The following LRMDA variants were observed in gnomAD, a reference collection of about 807,000 sequenced individuals.
LRMDA encodes the protein leucine-rich melanocyte differentiation-associated protein.
In LRMDA, 18 loss-of-function variants were observed where a neutral mutation model predicts 29.8. The observed-to-expected ratio is 0.60, with a 90% CI of 0.42 to 0.90. The LOEUF (loss-of-function observed/expected upper bound fraction) is 0.90, where lower values mean the gene tolerates loss of function less well. Ranked by LOEUF, LRMDA falls within the 40% of genes least tolerant of loss-of-function variation. The probability of loss-of-function intolerance (pLI) is 0.00; values close to 1 mark genes in which losing one functional copy is unlikely to be tolerated. For synonymous variants in LRMDA, 125 were observed against 109.4 expected, an observed-to-expected ratio of 1.14 and a Z score of -0.89; for missense variants, 273 against 273.9, an observed-to-expected ratio of 1.00 and a Z score of 0.02.
At chr10:76,172,817 T>C (rs1312456218) in intron 5 of LRMDA, among the ~76,000 whole-genome samples, 1 of 152,158 alleles carries the variant, frequency 6.6e-6, no homozygotes, top group African/African-American at 2.4e-5. Context: ...TTCAAATTGT[T>C]TACAAACACT....
intron 2 of LRMDA, among the ~76,000 whole-genome samples, chr10:75,963,515 G>C (rs1301892181): frequency 1.3e-5 from 2 of 152,176 alleles, no homozygotes; most frequent in Non-Finnish European, 2.9e-5. Flanking sequence ...ATAACCAGGG[G>C]TCCTTGTTGT....
At chr10:76,248,878 C>G (rs1184526265) in intron 5 of LRMDA, among the ~76,000 whole-genome samples, 1 of 152,116 alleles carries the variant, frequency 6.6e-6, no homozygotes, top group Non-Finnish European at 1.5e-5. Context: ...GTCATACCAC[C>G]CACTTACAGC....
chr10:75,562,661 C>T (rs1032828288), intron 2 of LRMDA, among the ~76,000 whole-genome samples: 1 of 152,090 alleles, frequency 6.6e-6, no homozygotes, highest in African/African-American at 2.4e-5. Flanking sequence ...TTTGCAGTGG[C>T]TGGTACCGGT....
intron 6 of LRMDA, among the ~76,000 whole-genome samples, chr10:76,345,363 C>T (rs761896479): frequency 7.3e-5 from 11 of 150,554 alleles, no homozygotes; most frequent in African/African-American, 1.5e-4. Context: ...TGAGCCACCG[C>T]GCCCGGCCCA....
chr10:75,773,903 A>G (rs1203376409), intron 2 of LRMDA, among the ~76,000 whole-genome samples: 2 of 152,242 alleles, frequency 1.3e-5, no homozygotes, highest in African/African-American at 4.8e-5. Flanking sequence ...GTTTCATTAT[A>G]TTCACATCTT....
At chr10:75,465,823 T>C (rs1589151626) in intron 2 of LRMDA, among the ~76,000 whole-genome samples, 1 of 152,244 alleles carries the variant, frequency 6.6e-6, no homozygotes, top group East Asian at 1.9e-4. Flanking sequence ...AAAATGACCT[T>C]TCAATTGCAG....
intron 3 of LRMDA, 138 bp from the exon 4 acceptor site, chr10:76,047,025 AC>A: frequency 1.1e-6 from 1 of 906,040 alleles, no homozygotes; most frequent in Non-Finnish European, 1.7e-6. Flanking sequence ...AATACCGTAT[AC>A]CCACAGCTGA....
chr10:75,908,012 T>G (rs1263393160), intron 2 of LRMDA, among the ~76,000 whole-genome samples: 1 of 152,178 alleles, frequency 6.6e-6, no homozygotes, highest in African/African-American at 2.4e-5. Flanking sequence ...GGTGATGAGT[T>G]GGAGGAATCA....
intron 2 of LRMDA, among the ~76,000 whole-genome samples, chr10:75,666,103 A>G (rs1841818378): frequency 2.0e-5 from 3 of 152,166 alleles, no homozygotes; most frequent in Non-Finnish European, 4.4e-5. Flanking sequence ...TGACCCTTTA[A>G]CAGCATGAAA....
intron 2 of LRMDA, among the ~76,000 whole-genome samples, chr10:75,919,007 G>C (rs894355854): frequency 6.6e-6 from 1 of 152,178 alleles, no homozygotes; most frequent in Non-Finnish European, 1.5e-5. Context: ...CCATGTGTCA[G>C]GCGTGATTTT....
rs570395643 is a variant in LRMDA, at chr10:75,708,303, C to T, written c.131+269809C>T. ...ACTGCTCTCTCTCTCATAACACATT[C>T]CCATTTCATGCCAGAATACATAAAC... On this transcript the variant is annotated intron_variant, in intron 2 of 6. Transcript: ENST00000611255. 1.1e-4 allele frequency among the ~76,000 whole-genome samples: 16 copies of T among 152,304 alleles called. No homozygotes were observed. In the South Asian group the frequency reaches 3.1e-3, roughly 30 times the overall value.
At chr10:75,468,738 C>G (rs1844688100) in intron 2 of LRMDA, among the ~76,000 whole-genome samples, 1 of 152,010 alleles carries the variant, frequency 6.6e-6, no homozygotes, top group Admixed American at 6.6e-5. Context: ...GAATGCCAAG[C>G]CCTGCTGGGG....
intron 2 of LRMDA, among the ~76,000 whole-genome samples, chr10:75,987,673 C>G (rs1007588328): frequency 6.6e-6 from 1 of 152,152 alleles, no homozygotes; most frequent in Non-Finnish European, 1.5e-5. Context: ...CCAGATGGCT[C>G]TGTGTGGGCA....
chr10:76,040,404 C>G (rs1390619754), intron 3 of LRMDA, among the ~76,000 whole-genome samples: 1 of 152,152 alleles, frequency 6.6e-6, no homozygotes, highest in African/African-American at 2.4e-5. Flanking sequence ...TCATTGTGTT[C>G]AGCCCTCGTG....
At chr10:75,649,949 C>G (rs1158532404) in intron 2 of LRMDA, among the ~76,000 whole-genome samples, 2 of 152,120 alleles carry the variant, frequency 1.3e-5, no homozygotes, top group African/African-American at 2.4e-5. Flanking sequence ...AAGTCCTTTG[C>G]CCATTTTTGA....
chr10:75,809,595 G>A (rs1843920336), intron 2 of LRMDA, among the ~76,000 whole-genome samples: 1 of 152,218 alleles, frequency 6.6e-6, no homozygotes, highest in East Asian at 1.9e-4. Context: ...AGTGAGCCTA[G>A]GTTGTGCCAC....
Position 76,559,019 on chromosome 10 carries a change from A to G in LRMDA, c.*1731A>G, listed in dbSNP as rs1184589477. ...CAGCACTGGAAAAATGCTTTAAATT[A>G]TCTGCATTTGGTCCCACCCTGGGTC... On this transcript the variant is annotated 3_prime_UTR_variant, in exon 7 of 7. Coordinates refer to ENST00000611255, the MANE Select transcript of LRMDA (RefSeq NM_001305581.2). 4 of 152,214 alleles carry G rather than the reference A, an allele frequency of 2.6e-5. No individual in the cohort carries two copies. The highest frequency in any genetic ancestry group is 2.6e-4 in the Admixed American group (4 of 15,286). The allele number at this position is 152,214 out of a possible 1,614,324, so 9.4% of individuals were successfully genotyped here. A position where few individuals can be genotyped will look rare whatever the true frequency, so the allele number is the denominator to read the frequency against.
intron 6 of LRMDA, among the ~76,000 whole-genome samples, chr10:76,412,640 C>A (rs1841974761): frequency 1.3e-5 from 2 of 152,120 alleles, no homozygotes; most frequent in Admixed American, 1.3e-4. Context: ...GGGAAAGATA[C>A]AGGGGAATTG....
At chr10:75,511,688 C>G (rs1272915586) in intron 2 of LRMDA, among the ~76,000 whole-genome samples, 1 of 152,182 alleles carries the variant, frequency 6.6e-6, no homozygotes, top group Admixed American at 6.5e-5. Context: ...ACCAGTTGAA[C>G]CAGGAATCAG....
Sources: gnomAD v4.1 joint callset for allele counts (sites outside exome capture counted in the v4.1 genomes callset) on GRCh38, gnomAD v4.1.1 for gene constraint, MANE v1.5 for transcripts, NCBI Gene and HGNC (gene_info 2026-07-23, HGNC 2026-07-21) for gene names.